MAML3: variants seen among roughly 807,000 people sequenced by gnomAD.
The protein encoded by MAML3 is mastermind-like protein 3.
MAML3 carries 27 observed loss-of-function variants against 101.9 expected under a neutral mutation model. That is an observed-to-expected ratio of 0.27 (90% CI 0.20 to 0.37). MAML3 has a LOEUF of 0.37. Among genes scored for constraint, MAML3 ranks in the 10% least tolerant of loss-of-function variants. The probability of loss-of-function intolerance (pLI) is 1.00; values close to 1 mark genes in which losing one functional copy is unlikely to be tolerated. For synonymous variants in MAML3, 501 were observed against 555.9 expected, an observed-to-expected ratio of 0.90 and a Z score of 1.39; for missense variants, 1,316 against 1,444.9, an observed-to-expected ratio of 0.91 and a Z score of 1.45.
intron 1 of MAML3, among the ~76,000 whole-genome samples, chr4:140,049,712 T>A (rs1727237685): frequency 6.6e-6 from 1 of 151,948 alleles, no homozygotes; most frequent in Non-Finnish European, 1.5e-5. Context: ...GCTGCCTGGA[T>A]GGTGGGTGGG....
rs115199679 is a variant in MAML3 at position 140,095,311 on chromosome 4, C to G, written c.468+57549G>C. 2.6e-3 allele frequency among the ~76,000 whole-genome samples: 393 copies of G among 152,318 alleles called. 1 individual carries two copies. The highest frequency in any genetic ancestry group is 3.7e-3 in the Admixed American group (56 of 15,308). ...ACCACTGTCCATGTTGGAGATCACA[C>G]TGAGCCTCGTCTGGACCCCCCACTG... is the stretch of plus-strand genomic sequence containing the variant. On this transcript the variant is annotated intron_variant, in intron 1 of 4. Transcript: ENST00000509479.
At position 140,126,368 on chromosome 4, in the gene MAML3, T is replaced by C. The variant is rs59193693; in HGVS notation, c.468+26492A>G. Reference sequence around the variant, plus strand: ...ACTGCCTCTACTGACACCATCCTATTGTAAACCCTCTAACAAAAAGCCAGG... The same window carrying C: ...ACTGCCTCTACTGACACCATCCTATCGTAAACCCTCTAACAAAAAGCCAGG... On this transcript the variant is annotated intron_variant, in intron 1 of 4. Coordinates refer to ENST00000509479, the MANE Select transcript of MAML3 (RefSeq NM_018717.5). 8.3e-3 allele frequency among the ~76,000 whole-genome samples: 1,269 copies of C among 152,208 alleles called. 16 individuals carry two copies. The highest frequency in any genetic ancestry group is 0.029 in the African/African-American group (1,198 of 41,518).
chr4:139,864,126 A>G (rs1731845057), intron 2 of MAML3, among the ~76,000 whole-genome samples: 1 of 152,212 alleles, frequency 6.6e-6, no homozygotes, highest in African/African-American at 2.4e-5. Flanking sequence ...AATTTCAGAC[A>G]TGAACTTAAT....
At chr4:139,794,747 C>T (rs1447639645) in intron 2 of MAML3, among the ~76,000 whole-genome samples, 4 of 152,292 alleles carry the variant, frequency 2.6e-5, no homozygotes, top group South Asian at 2.1e-4. Context: ...CTGTGTTCCA[C>T]GCTGGAAGAG....
intron 1 of MAML3, among the ~76,000 whole-genome samples, chr4:140,013,517 T>G (rs1297857973): frequency 2.3e-4 from 35 of 152,234 alleles, no homozygotes; most frequent in Admixed American, 2.3e-3. Flanking sequence ...GTTTTTCTTT[T>G]TCAAGAAAAA....
intron 1 of MAML3, among the ~76,000 whole-genome samples, chr4:140,093,425 T>G (rs1200114673): frequency 1.3e-5 from 2 of 148,888 alleles, no homozygotes; most frequent in Non-Finnish European, 3.0e-5. Flanking sequence ...TGTTTTTTTT[T>G]TTTTTTTTTG....
chr4:139,923,708 TA>T (rs1243012183), intron 1 of MAML3, among the ~76,000 whole-genome samples: 1 of 152,202 alleles, frequency 6.6e-6, no homozygotes, highest in African/African-American at 2.4e-5. Context: ...AAAAGCTTTC[TA>T]AAAATATTTG....
At chr4:140,027,559 G>A (rs930109586) in intron 1 of MAML3, among the ~76,000 whole-genome samples, 1 of 152,160 alleles carries the variant, frequency 6.6e-6, no homozygotes, top group African/African-American at 2.4e-5. Context: ...GTTGCCCTCT[G>A]CCCTACCCAG....
At chr4:139,837,293 G>A (rs1040991897) in intron 2 of MAML3, among the ~76,000 whole-genome samples, 97 of 150,632 alleles carry the variant, frequency 6.4e-4, no homozygotes, top group African/African-American at 2.1e-3. Context: ...TCAGGAGATC[G>A]AGACCATCCT....
intron 2 of MAML3, among the ~76,000 whole-genome samples, chr4:139,790,232 T>TAA: frequency 1.4e-5 from 2 of 144,100 alleles, no homozygotes; most frequent in Middle Eastern, 3.6e-3. Flanking sequence ...TATATATATA[T>TAA]ATATATATAT....
At chr4:139,743,181 C>T (rs776766581) in intron 2 of MAML3, among the ~76,000 whole-genome samples, 20 of 152,348 alleles carry the variant, frequency 1.3e-4, no homozygotes, top group Non-Finnish European at 2.5e-4. Context: ...TAAAGTTACA[C>T]GCCTCCTTTA....
chr4:140,143,768 G>T (rs1729013385), intron 1 of MAML3, among the ~76,000 whole-genome samples: 1 of 151,914 alleles, frequency 6.6e-6, no homozygotes, highest in Non-Finnish European at 1.5e-5. Flanking sequence ...CTCAAAAAAA[G>T]ACAACCGTTC....
At chr4:139,933,063 C>T (rs1316251436) in intron 1 of MAML3, among the ~76,000 whole-genome samples, 1 of 151,936 alleles carries the variant, frequency 6.6e-6, no homozygotes, top group Non-Finnish European at 1.5e-5. Flanking sequence ...GGGGTTGAGT[C>T]ACATTCGAAA....
intron 1 of MAML3, among the ~76,000 whole-genome samples, chr4:139,984,920 A>C (rs2110815573): frequency 6.6e-6 from 1 of 152,356 alleles, no homozygotes; most frequent in Non-Finnish European, 1.5e-5. Flanking sequence ...AGCTCCATCA[A>C]GTTGACACAT....
intron 1 of MAML3, among the ~76,000 whole-genome samples, chr4:140,106,836 GT>G (rs1728360554): frequency 6.6e-6 from 1 of 152,176 alleles, no homozygotes; most frequent in Admixed American, 6.5e-5. Flanking sequence ...AGTAAAACCT[GT>G]TAATAAACAA....
At chr4:139,786,696 C>T (rs780979186) in intron 2 of MAML3, among the ~76,000 whole-genome samples, 64 of 152,236 alleles carry the variant, frequency 4.2e-4, no homozygotes, top group Non-Finnish European at 5.9e-4. Flanking sequence ...ACAGTACTGC[C>T]GTCACCGGGC....
In MAML3 at chr4:139,950,788, G is replaced by A. The variant is rs530917849; in HGVS notation, c.469-59821C>T. On this transcript the variant is annotated intron_variant, in intron 1 of 4. Coordinates refer to ENST00000509479, the MANE Select transcript of MAML3 (RefSeq NM_018717.5). ...CCAAGTAGGGGCCCCAGAGACTTGC[G>A]GCCACCCTGCTAAGAGTCCTCCAGC... Among the ~76,000 whole-genome samples the A allele has an allele frequency of 3.1e-3, 469 of 152,218 alleles. 3 individuals are homozygous for A. The highest frequency in any genetic ancestry group is 4.4e-3 in the Non-Finnish European group (302 of 68,004).
intron 1 of MAML3, among the ~76,000 whole-genome samples, chr4:140,022,409 G>A (rs1397897552): frequency 1.3e-5 from 2 of 152,144 alleles, no homozygotes; most frequent in Non-Finnish European, 2.9e-5. Flanking sequence ...TCGGAAAAAG[G>A]AGGAAAGTAA....
intron 1 of MAML3, among the ~76,000 whole-genome samples, chr4:140,122,851 A>C (rs1217317618): frequency 6.6e-6 from 1 of 152,184 alleles, no homozygotes; most frequent in Non-Finnish European, 1.5e-5. Context: ...TTCTTAAAAT[A>C]AATCACACCA....
Sources: gnomAD v4.1 joint callset for allele counts (sites outside exome capture counted in the v4.1 genomes callset) on GRCh38, gnomAD v4.1.1 for gene constraint, MANE v1.5 for transcripts, NCBI Gene and HGNC (gene_info 2026-07-23, HGNC 2026-07-21) for gene names.